The following ZNF618 variants were observed in gnomAD, a reference collection of about 807,000 sequenced individuals.
The protein encoded by ZNF618 is neural precursor cell expressed, developmentally down-regulated 10.
Under a neutral mutation model 103.0 loss-of-function variants are expected in ZNF618, and 34 were observed. The observed-to-expected ratio is 0.33, with a 90% CI of 0.25 to 0.44. The LOEUF (loss-of-function observed/expected upper bound fraction) is 0.44. Ranked by LOEUF, ZNF618 falls within the 20% of genes least tolerant of loss-of-function variation. ZNF618 has a pLI of 1.00. For missense variants in ZNF618, 1,059 were observed against 1,295.4 expected, an observed-to-expected ratio of 0.82 and a Z score of 2.80; for synonymous variants, 551 against 542.2, an observed-to-expected ratio of 1.02 and a Z score of -0.23.
intron 1 of ZNF618, among the ~76,000 whole-genome samples, chr9:113,964,944 T>TAC (rs1316007778): frequency 1.3e-5 from 2 of 150,988 alleles, no homozygotes; most frequent in Non-Finnish European, 2.9e-5. Context: ...ACTGTGGATT[T>TAC]ACTGCCCTAG....
At chr9:114,029,533 C>G (rs1036195465) in intron 11 of ZNF618, among the ~76,000 whole-genome samples, 6 of 152,202 alleles carry the variant, frequency 3.9e-5, no homozygotes, top group African/African-American at 1.4e-4. Context: ...TGTGATCACA[C>G]TGTTGTCTGT....
intron 6 of ZNF618, 141 bp downstream of exon 6, chr9:114,002,803 G>A: frequency 1.1e-6 from 1 of 913,940 alleles, no homozygotes; most frequent in Non-Finnish European, 1.6e-6. Context: ...TTGGGGGCCA[G>A]ACCATCCTTA....
Position 114,041,085 on chromosome 9 carries a change from T to C in ZNF618, c.1246+4708T>C, listed in dbSNP as rs1845134293. Among the ~76,000 whole-genome samples, 4 of 152,264 alleles carry C rather than the reference T, an allele frequency of 2.6e-5. No homozygotes were observed. In the South Asian group the frequency reaches 8.3e-4, roughly 32 times the overall value. On this transcript the variant is annotated intron_variant, in intron 13 of 14. Transcript: ENST00000374126. ...TTTGCATTTCTCTGATGGCCAGTGA[T>C]GATGAGCATTTTTTCATGTGTCTGT... is the stretch of plus-strand genomic sequence containing the variant.
chr9:113,951,557 G>GTACACA (rs1564208110), intron 1 of ZNF618, among the ~76,000 whole-genome samples: 2 of 38,132 alleles, frequency 5.2e-5, no homozygotes, highest in African/African-American at 7.1e-5. Flanking sequence ...ACATATGTGT[G>GTACACA]TGTATATGTG....
intron 1 of ZNF618, among the ~76,000 whole-genome samples, chr9:113,924,266 A>T (rs1832881691): frequency 6.6e-6 from 1 of 151,962 alleles, no homozygotes; most frequent in East Asian, 1.9e-4. Context: ...TCTTTCAAGG[A>T]ATTGGTCCAT....
In ZNF618 at chr9:113,979,912, G is replaced by A. The variant is rs116632643; in HGVS notation, c.78-8409G>A. Among the ~76,000 whole-genome samples, 697 of 152,320 alleles carry A rather than the reference G, an allele frequency of 4.6e-3. 2 individuals carry two copies. Among genetic ancestry groups the A allele is most frequent in the African/African-American group, 0.016 (664 of 41,584 alleles). On this transcript the variant is annotated intron_variant, in intron 2 of 14. Transcript: ENST00000374126. ...GACATGACCTTGGTTGCTCTGTCCA[G>A]TGTGGATTCCAGGGCAGTGTATAGG...
intron 1 of ZNF618, 35 bp downstream of exon 1, chr9:113,876,448 G>A (rs989687086): frequency 2.5e-6 from 3 of 1,193,928 alleles, no homozygotes; most frequent in Non-Finnish European, 2.1e-6. Context: ...CACCGCGCGG[G>A]GGACCCCGGG....
rs73556419 is a variant in ZNF618 at position 113,962,592 on chromosome 9, T to C, written c.34-6525T>C. On this transcript the variant is annotated intron_variant, in intron 1 of 14. Coordinates refer to ENST00000374126, the MANE Select transcript of ZNF618 (RefSeq NM_001318042.2). ...TCTGCCCCAGGTATCCTGACATTCT[T>C]GCTGTTTGCCAAGCACACCAGGCAT... is the stretch of plus-strand genomic sequence containing the variant. Among the ~76,000 whole-genome samples the C allele has an allele frequency of 5.7e-3, 875 of 152,330 alleles. 11 individuals are homozygous for C. Among genetic ancestry groups the C allele is most frequent in the African/African-American group, 0.019 (781 of 41,576 alleles).
At chr9:113,910,966 G>T (rs1016374015) in intron 1 of ZNF618, among the ~76,000 whole-genome samples, 1 of 152,058 alleles carries the variant, frequency 6.6e-6, no homozygotes, top group Non-Finnish European at 1.5e-5. Flanking sequence ...GAGTAGCTGG[G>T]ATTACAGGTG....
chr9:113,923,425 G>C, intron 1 of ZNF618, among the ~76,000 whole-genome samples: 1 of 152,092 alleles, frequency 6.6e-6, no homozygotes, highest in East Asian at 1.9e-4. Flanking sequence ...GTTAGCTGTA[G>C]GTTTTTTGTA....
intron 2 of ZNF618, among the ~76,000 whole-genome samples, chr9:113,980,559 T>C (rs1838880262): frequency 1.3e-5 from 2 of 151,874 alleles, no homozygotes; most frequent in Admixed American, 6.6e-5. Flanking sequence ...CTTTAAAAAA[T>C]GAAAATTAAA....
rs1846352033 is a variant in ZNF618 at position 114,054,695 on chromosome 9, T to C, written c.*4528T>C. ...TAGGCCAGTTATGGTGAACCAATGA[T>C]ACAGTGTTTTCCCTCTTAACGTTCC... On this transcript the variant is annotated 3_prime_UTR_variant, in exon 15 of 15. Coordinates refer to ENST00000374126, the MANE Select transcript of ZNF618 (RefSeq NM_001318042.2). 29 of 152,700 alleles carry C rather than the reference T, an allele frequency of 1.9e-4. No individual in the cohort carries two copies. The highest frequency in any genetic ancestry group is 1.9e-3 in the Admixed American group (29 of 15,286). 9.5% of individuals were successfully genotyped at this position (152,700 alleles called of 1,614,324 possible). A position where few individuals can be genotyped will look rare whatever the true frequency, so the allele number is the denominator to read the frequency against.
chr9:113,994,947 G>A (rs1409404485), intron 3 of ZNF618, among the ~76,000 whole-genome samples: 3 of 150,930 alleles, frequency 2.0e-5, no homozygotes, highest in Non-Finnish European at 4.4e-5. Flanking sequence ...AAAAAAGGTG[G>A]CATTTTGGAA....
intron 9 of ZNF618, among the ~76,000 whole-genome samples, chr9:114,009,257 C>T (rs1391608843): frequency 6.6e-6 from 1 of 152,078 alleles, no homozygotes; most frequent in Non-Finnish European, 1.5e-5. Flanking sequence ...TGAGGGAATG[C>T]TGGAAGCTTT....
chr9:113,909,317 G>T (rs1588009101), intron 1 of ZNF618, among the ~76,000 whole-genome samples: 1 of 152,236 alleles, frequency 6.6e-6, no homozygotes, highest in Non-Finnish European at 1.5e-5. Flanking sequence ...TAGAGGCCTT[G>T]TGTGTCCCTG....
At chr9:113,949,117 C>G (rs1014682000) in intron 1 of ZNF618, among the ~76,000 whole-genome samples, 1 of 152,208 alleles carries the variant, frequency 6.6e-6, no homozygotes, top group African/African-American at 2.4e-5. Context: ...AAGAGTGAGG[C>G]TGGTGCACCA....
intron 1 of ZNF618, among the ~76,000 whole-genome samples, chr9:113,917,456 G>C (rs1331498587): frequency 2.0e-5 from 3 of 149,960 alleles, no homozygotes; most frequent in Admixed American, 1.3e-4. Context: ...ATTTTGCCAT[G>C]TTGGCCAGGC....
At chr9:113,951,548 C>CATAT (rs1554733097) in intron 1 of ZNF618, among the ~76,000 whole-genome samples, 72 of 59,624 alleles carry the variant, frequency 1.2e-3, no homozygotes, top group East Asian at 5.3e-3. Context: ...CATATGTACA[C>CATAT]ATATGTGTGT....
At chr9:113,978,994 C>T (rs1345604056) in intron 2 of ZNF618, among the ~76,000 whole-genome samples, 2 of 152,190 alleles carry the variant, frequency 1.3e-5, no homozygotes, top group Non-Finnish European at 2.9e-5. Context: ...CTCCACCCTG[C>T]ATGCTGGTGT....
Sources: allele counts gnomAD v4.1 joint callset (sites outside exome capture counted in the v4.1 genomes callset), GRCh38; gene constraint gnomAD v4.1.1; transcripts MANE v1.5; gene names NCBI Gene and HGNC (gene_info 2026-07-23, HGNC 2026-07-21).